Variants in ZNF536 observed in about 807,000 individuals in gnomAD.
ZNF536 encodes zinc finger protein 536.
In ZNF536, 13 loss-of-function variants were observed where a neutral mutation model predicts 84.5. That is an observed-to-expected ratio of 0.15 (90% CI 0.10 to 0.24). The LOEUF (loss-of-function observed/expected upper bound fraction) is 0.24. Ranked by LOEUF, ZNF536 falls within the 10% of genes least tolerant of loss-of-function variation. The pLI, the probability that ZNF536 is intolerant of heterozygous loss-of-function variation, is 1.00. For missense variants in ZNF536, 1,536 were observed against 1,747.5 expected (o/e 0.88, Z 2.16); for synonymous variants, 811 against 742.5 (o/e 1.09, Z -1.50).
At chr19:30,246,675 A>C (rs1181647507) in intron 1 of ZNF536, among the ~76,000 whole-genome samples, 1 of 152,196 alleles carries the variant, frequency 6.6e-6, no homozygotes, top group East Asian at 1.9e-4. Flanking sequence ...GTGAATGAAG[A>C]GTGTGGGTCT....
intron 1 of ZNF536, among the ~76,000 whole-genome samples, chr19:30,415,585 C>A (rs1336483772): frequency 8.1e-6 from 1 of 123,622 alleles, no homozygotes; most frequent in Non-Finnish European, 1.7e-5. Context: ...TGATCATCAT[C>A]ATCGTCATCG....
chr19:30,366,238 A>C (rs2048424246), intron 3 of ZNF536, among the ~76,000 whole-genome samples: 1 of 152,090 alleles, frequency 6.6e-6, no homozygotes, highest in Admixed American at 6.5e-5. Flanking sequence ...TGGCTCTGTC[A>C]CTTTCCCTTC....
At chr19:30,686,676 C>G (rs112270796) in intron 1 of ZNF536, among the ~76,000 whole-genome samples, 1 of 152,206 alleles carries the variant, frequency 6.6e-6, no homozygotes, top group Admixed American at 6.5e-5. Flanking sequence ...GGTATCTGCG[C>G]GCGTCTTCAT....
chr19:30,280,531 G>A (rs1289711492), intron 1 of ZNF536, among the ~76,000 whole-genome samples: 1 of 152,210 alleles, frequency 6.6e-6, no homozygotes, highest in African/African-American at 2.4e-5. Flanking sequence ...TGGCCTCAGT[G>A]ATGGTGACAT....
intron 1 of ZNF536, among the ~76,000 whole-genome samples, chr19:30,409,332 C>A (rs2050390456): frequency 2.0e-5 from 3 of 152,194 alleles, no homozygotes; most frequent in South Asian, 4.1e-4. Flanking sequence ...GAGATTCAGA[C>A]CACCTTGTTC....
chr19:30,521,209 A>C (rs1236918783), intron 2 of ZNF536, among the ~76,000 whole-genome samples: 1 of 152,228 alleles, frequency 6.6e-6, no homozygotes, highest in African/African-American at 2.4e-5. Flanking sequence ...TGCCCAGGCA[A>C]GCCTGTTCAG....
At chr19:30,591,779 A>G (rs1342698890) in intron 1 of ZNF536, among the ~76,000 whole-genome samples, 1 of 152,184 alleles carries the variant, frequency 6.6e-6, no homozygotes, top group East Asian at 1.9e-4. Flanking sequence ...ATTTTATTGA[A>G]GGACAAGAGA....
Position 30,687,646 on chromosome 19 carries a change from T to C in ZNF536, c.170-23111T>C, listed in dbSNP as rs532914093. Among the ~76,000 whole-genome samples the C allele has an allele frequency of 2.6e-5, 4 of 152,246 alleles. No individual in the cohort carries two copies. In the South Asian group the frequency reaches 8.3e-4, roughly 32 times the overall value. Reference sequence around the variant, plus strand: ...GTCTATTTACTGTCGATGTGTATAATATCTATATGTCAGGGAAACAGGGAG... The same window carrying C: ...GTCTATTTACTGTCGATGTGTATAACATCTATATGTCAGGGAAACAGGGAG... On this transcript the variant is annotated intron_variant, in intron 1 of 1. Coordinates refer to the ZNF536 transcript ENST00000592773.
At chr19:30,567,484 G>A (rs531828634) in intron 1 of ZNF536, among the ~76,000 whole-genome samples, 1 of 152,114 alleles carries the variant, frequency 6.6e-6, no homozygotes, top group Non-Finnish European at 1.5e-5. Flanking sequence ...GTTCTTTTTA[G>A]GGCTATATTT....
rs117275808 is a variant in ZNF536 at position 30,233,208 on chromosome 19, C to T, written c.-190+4535C>T. Among the ~76,000 whole-genome samples the T allele has an allele frequency of 3.9e-3, 474 of 122,222 alleles. 17 individuals carry two copies. In the East Asian group the frequency reaches 0.1, roughly 26 times the overall value. 80.2% of individuals were successfully genotyped at this position (122,222 alleles called of 152,430 possible). A position where few individuals can be genotyped will look rare whatever the true frequency, so the allele number is the denominator to read the frequency against. On this transcript the variant is annotated intron_variant, in intron 1 of 5. Coordinates refer to the ZNF536 transcript ENST00000585628. ...GGTCAATTGCACATGGAGGTGGTGT[C>T]GGGGGTTGGGGCGGGGGGAGAACCC...
At chr19:30,451,436 T>C (rs889514116) in intron 2 of ZNF536, among the ~76,000 whole-genome samples, 1 of 152,216 alleles carries the variant, frequency 6.6e-6, no homozygotes, top group Non-Finnish European at 1.5e-5. Flanking sequence ...TCAGTAACAC[T>C]TCGGGGCTTT....
chr19:30,404,751 A>T (rs1403897106), intron 1 of ZNF536, among the ~76,000 whole-genome samples: 1 of 152,082 alleles, frequency 6.6e-6, no homozygotes, highest in Non-Finnish European at 1.5e-5. Context: ...GCTCCTCAAC[A>T]CACCCAGCAG....
intron 1 of ZNF536, among the ~76,000 whole-genome samples, chr19:30,443,136 A>G (rs1285600840): frequency 6.6e-6 from 1 of 151,504 alleles, no homozygotes; most frequent in African/African-American, 2.4e-5. Context: ...CAGAAGTTCC[A>G]AGTGGGTTTA....
chr19:30,687,172 C>T (rs895917702), intron 1 of ZNF536, among the ~76,000 whole-genome samples: 3 of 152,154 alleles, frequency 2.0e-5, no homozygotes, highest in Non-Finnish European at 4.4e-5. Flanking sequence ...ATGCCTGGGC[C>T]GGGGAACTTC....
At chr19:30,485,477 T>C (rs2144970442) in intron 2 of ZNF536, among the ~76,000 whole-genome samples, 1 of 152,290 alleles carries the variant, frequency 6.6e-6, no homozygotes, top group South Asian at 2.1e-4. Flanking sequence ...ACCGCACATC[T>C]CTTTCCTGTC....
chr19:30,556,385 C>CAG (rs1304910310), intron 4 of ZNF536: 3 of 152,260 alleles, frequency 2.0e-5, no homozygotes, highest in African/African-American at 7.2e-5. Flanking sequence ...GAAATCAGCA[C>CAG]CTGGAGTGGG....
intron 1 of ZNF536, among the ~76,000 whole-genome samples, chr19:30,422,637 T>C (rs1430275374): frequency 6.6e-6 from 1 of 152,134 alleles, no homozygotes; most frequent in Non-Finnish European, 1.5e-5. Context: ...ACCTAGCACA[T>C]AGAAGGCATC....
chr19:30,392,618 C>G (rs2049644924), intron 1 of ZNF536, among the ~76,000 whole-genome samples: 1 of 152,160 alleles, frequency 6.6e-6, no homozygotes, highest in Non-Finnish European at 1.5e-5. Context: ...TCTAGGGTGT[C>G]TCTGTTCTTA....
At chr19:30,461,559 G>A (rs182058400) in intron 2 of ZNF536, among the ~76,000 whole-genome samples, 1 of 152,304 alleles carries the variant, frequency 6.6e-6, no homozygotes, top group East Asian at 1.9e-4. Flanking sequence ...AGCTGTGGTT[G>A]TGAATATCCC....
Sources: allele counts gnomAD v4.1 joint callset (sites outside exome capture counted in the v4.1 genomes callset), GRCh38; gene constraint gnomAD v4.1.1; transcripts MANE v1.5; gene names NCBI Gene and HGNC (gene_info 2026-07-23, HGNC 2026-07-21).